Variants in HCRTR2 observed in about 807,000 individuals in gnomAD.
The protein encoded by HCRTR2 is orexin receptor type 2.
In HCRTR2, 22 loss-of-function variants were observed where a neutral mutation model predicts 49.0. The observed-to-expected ratio is 0.45, with a 90% CI of 0.32 to 0.64. The LOEUF is 0.64. HCRTR2 is among the 30% of genes least tolerant of loss of function. The probability of loss-of-function intolerance (pLI) is 0.04; values close to 1 mark genes in which losing one functional copy is unlikely to be tolerated. For missense variants in HCRTR2, 491 were observed against 559.4 expected (o/e 0.88, Z 1.23); for synonymous variants, 236 against 205.3 (o/e 1.15, Z -1.28).
chr6:55,151,624 T>C (rs1561988172), intron 1 of HCRTR2, among the ~76,000 whole-genome samples: 1 of 151,994 alleles, frequency 6.6e-6, no homozygotes, highest in African/African-American at 2.4e-5. Context: ...ATCAGCTTCT[T>C]CCAAACTCCT....
chr6:55,176,276 G>T (rs972156213), intron 1 of HCRTR2, among the ~76,000 whole-genome samples: 1 of 152,144 alleles, frequency 6.6e-6, no homozygotes, highest in African/African-American at 2.4e-5. Context: ...ATTATTTTTA[G>T]ACTGTTTTCC....
intron 1 of HCRTR2, among the ~76,000 whole-genome samples, chr6:55,214,678 A>C (rs932139192): frequency 6.6e-6 from 1 of 152,018 alleles, no homozygotes; most frequent in African/African-American, 2.4e-5. Context: ...AAAAATTTCA[A>C]AATAGCAATT....
chr6:55,263,689 T>C lies in HCRTR2; in HGVS notation c.647-18T>C, dbSNP rs1183223602. The C allele has an allele frequency of 2.9e-6, 4 of 1,392,468 alleles. No individual in the cohort carries two copies. Among genetic ancestry groups the C allele is most frequent in the Non-Finnish European group, 3.1e-6 (3 of 980,268 alleles). The allele number at this position is 1,392,468 out of a possible 1,614,324, so 86.3% of individuals were successfully genotyped here. On this transcript the variant is annotated intron_variant, in intron 3 of 6. Transcript: ENST00000370862. ...TCAATTGTAACGTAAGGTTTTGTTG[T>C]TTTGACTTTCATCCTAGGTGAAATT...
intron 1 of HCRTR2, among the ~76,000 whole-genome samples, chr6:55,114,088 G>T (rs193133846): frequency 1.3e-5 from 2 of 151,492 alleles, no homozygotes; most frequent in Non-Finnish European, 3.0e-5. Flanking sequence ...AAATGCAAAG[G>T]CATAAGAATG....
chr6:55,235,980 A>G (rs1419264083), intron 1 of HCRTR2, among the ~76,000 whole-genome samples: 1 of 151,982 alleles, frequency 6.6e-6, no homozygotes, highest in African/African-American at 2.4e-5. Flanking sequence ...AATACTGACT[A>G]ATTTTGGCCC....
At chr6:55,193,997 C>T (rs1214539604) in intron 1 of HCRTR2, among the ~76,000 whole-genome samples, 2 of 151,890 alleles carry the variant, frequency 1.3e-5, no homozygotes, top group South Asian at 2.1e-4. Flanking sequence ...TTTTCTCTAA[C>T]AGACTTAAAA....
intron 1 of HCRTR2, among the ~76,000 whole-genome samples, chr6:55,168,445 C>G (rs1390288865): frequency 6.6e-6 from 1 of 152,156 alleles, no homozygotes; most frequent in East Asian, 1.9e-4. Context: ...CAGCAAAAAG[C>G]GTATTTCTGG....
intron 1 of HCRTR2, among the ~76,000 whole-genome samples, chr6:55,214,546 G>A (rs1765755148): frequency 6.6e-6 from 1 of 151,420 alleles, no homozygotes; most frequent in South Asian, 2.1e-4. Context: ...TCACTTTGTT[G>A]TTCAGGCTGG....
Position 55,183,164 on chromosome 6 carries a change from C to T in HCRTR2, c.223+8354C>T, listed in dbSNP as rs540951359. 6.6e-5 allele frequency among the ~76,000 whole-genome samples: 10 copies of T among 152,218 alleles called. No individual in the cohort carries two copies. The East Asian group carries it at 1.7e-3, about 26-fold the overall frequency. ...ACATAAACACATACTTTTAAAATAA[C>T]GTGGTAAGTGCTACTATGACAGATG... On this transcript the variant is annotated intron_variant, in intron 1 of 6. Coordinates refer to ENST00000370862, the MANE Select transcript of HCRTR2 (RefSeq NM_001384272.1).
chr6:55,263,946 T>C, intron 4 of HCRTR2, 124 bp downstream of exon 4: 1 of 700,344 alleles, frequency 1.4e-6, no homozygotes, highest in Non-Finnish European at 2.6e-6. Flanking sequence ...AATTTAAGAA[T>C]GCATTGAACC....
chr6:55,235,004 A>G (rs891693788), intron 1 of HCRTR2, among the ~76,000 whole-genome samples: 1 of 152,334 alleles, frequency 6.6e-6, no homozygotes, highest in East Asian at 1.9e-4. Context: ...AATGAAAATG[A>G]TGGAACTACT....
intron 1 of HCRTR2, among the ~76,000 whole-genome samples, chr6:55,109,850 G>T (rs556845404): frequency 6.6e-6 from 1 of 151,938 alleles, no homozygotes; most frequent in African/African-American, 2.4e-5. Flanking sequence ...CTAAACATTC[G>T]AATACAAGAA....
At chr6:55,240,721 A>G in intron 1 of HCRTR2, 1 of 360,628 alleles carries the variant, frequency 2.8e-6, no homozygotes, top group Non-Finnish European at 5.5e-6. Flanking sequence ...TTAAGATAAT[A>G]CTCCTGGTCA....
intron 1 of HCRTR2, among the ~76,000 whole-genome samples, chr6:55,182,545 A>G (rs992805213): frequency 3.9e-5 from 6 of 152,184 alleles, no homozygotes; most frequent in African/African-American, 1.4e-4. Flanking sequence ...CAAATCCTTC[A>G]GACCAGGTTG....
rs184219723 is a variant in HCRTR2 at position 55,195,582 on chromosome 6, C to A, written c.223+20772C>A. Reference sequence around the variant, plus strand: ...TTCAAAATAACTCAAAGAGTAGAATCGGAATGTTGCTAACACAAAGAAATG... The same window carrying A: ...TTCAAAATAACTCAAAGAGTAGAATAGGAATGTTGCTAACACAAAGAAATG... On this transcript the variant is annotated intron_variant, in intron 1 of 6. Transcript: ENST00000370862. Among the ~76,000 whole-genome samples, 4 of 152,174 alleles carry A rather than the reference C, an allele frequency of 2.6e-5. No homozygotes were observed. In the East Asian group the frequency reaches 5.8e-4, roughly 22 times the overall value.
intron 1 of HCRTR2, among the ~76,000 whole-genome samples, chr6:55,128,793 A>C (rs1015692226): frequency 6.6e-6 from 1 of 152,180 alleles, no homozygotes; most frequent in African/African-American, 2.4e-5. Context: ...AGTTAGGTTT[A>C]CACCACTGTA....
intron 4 of HCRTR2, among the ~76,000 whole-genome samples, chr6:55,267,475 A>AT (rs1766882620): frequency 1.5e-5 from 2 of 137,452 alleles, no homozygotes; most frequent in East Asian, 4.2e-4. Context: ...GCTAAAACTT[A>AT]TTTTTTTAAA....
At chr6:55,253,032 G>A (rs1383931151) in intron 2 of HCRTR2, among the ~76,000 whole-genome samples, 1 of 151,944 alleles carries the variant, frequency 6.6e-6, no homozygotes, top group African/African-American at 2.4e-5. Context: ...GGAATGGAGA[G>A]GTTAAATAAT....
intron 1 of HCRTR2, among the ~76,000 whole-genome samples, chr6:55,208,668 G>T (rs528351485): frequency 6.6e-6 from 1 of 152,104 alleles, no homozygotes; most frequent in Non-Finnish European, 1.5e-5. Flanking sequence ...TGTGGATGAA[G>T]TTACACCTCA....
Sources: allele counts gnomAD v4.1 joint callset (sites outside exome capture counted in the v4.1 genomes callset), GRCh38; gene constraint gnomAD v4.1.1; transcripts MANE v1.5; gene names NCBI Gene and HGNC (gene_info 2026-07-23, HGNC 2026-07-21).